PTPN4: variants seen among roughly 807,000 people sequenced by gnomAD.
The protein encoded by PTPN4 is protein tyrosine phosphatase non-receptor type 4, also known as tyrosine-protein phosphatase non-receptor type 4.
A neutral mutation model predicts 135.5 loss-of-function variants in PTPN4; 49 were observed. That is an observed-to-expected ratio of 0.36 (90% CI 0.29 to 0.46). The LOEUF is 0.46. Among genes scored for constraint, PTPN4 ranks in the 20% least tolerant of loss-of-function variants. PTPN4 has a pLI of 1.00. For missense variants in PTPN4, 860 were observed against 1,101.0 expected (o/e 0.78, Z 3.10); for synonymous variants, 333 against 369.9 (o/e 0.90, Z 1.14).
At chr2:119,883,437 C>T (rs1319520942) in intron 8 of PTPN4, among the ~76,000 whole-genome samples, 1 of 152,140 alleles carries the variant, frequency 6.6e-6, no homozygotes, top group Non-Finnish European at 1.5e-5. Context: ...TAACAATATT[C>T]ATTCAACTTT....
chr2:119,835,471 G>A (rs563670242), intron 2 of PTPN4, among the ~76,000 whole-genome samples: 2 of 152,076 alleles, frequency 1.3e-5, no homozygotes, highest in South Asian at 2.1e-4. Flanking sequence ...GTGAGCCACC[G>A]TGCCTGGCCA....
intron 2 of PTPN4, among the ~76,000 whole-genome samples, chr2:119,834,004 CCT>C (rs1335474579): frequency 2.6e-5 from 4 of 152,190 alleles, no homozygotes; most frequent in Middle Eastern, 3.4e-3. Flanking sequence ...TTATTTTTCC[CCT>C]CTCTTTTTTC....
intron 2 of PTPN4, among the ~76,000 whole-genome samples, chr2:119,836,170 A>G (rs962738668): frequency 2.0e-5 from 3 of 152,310 alleles, no homozygotes; most frequent in Non-Finnish European, 4.4e-5. Context: ...GAAGATACGC[A>G]TACATGCATA....
chr2:119,896,192 C>T (rs369094743), intron 9 of PTPN4, among the ~76,000 whole-genome samples: 1 of 152,122 alleles, frequency 6.6e-6, no homozygotes, highest in African/African-American at 2.4e-5. Context: ...CCAATAACAG[C>T]TCCTTCCTAC....
In PTPN4 at chr2:119,844,858, G is replaced by A. The variant is rs568743192; in HGVS notation, c.139-17678G>A. ...TCACTTCCCAGACGGTGTGGCAGCCGGGCAGAGGCTGCAATCTCGGCACTT... is the reference window on the plus strand; with the variant it reads ...TCACTTCCCAGACGGTGTGGCAGCCAGGCAGAGGCTGCAATCTCGGCACTT... On this transcript the variant is annotated intron_variant, in intron 2 of 26. Transcript: ENST00000263708. 1.3e-3 allele frequency among the ~76,000 whole-genome samples: 191 copies of A among 150,680 alleles called. 1 individual carries two copies. The East Asian group carries it at 0.028, about 22-fold the overall frequency.
At chr2:119,795,800 G>A (rs1324574408) in intron 1 of PTPN4, among the ~76,000 whole-genome samples, 2 of 152,230 alleles carry the variant, frequency 1.3e-5, no homozygotes, top group East Asian at 3.9e-4. Flanking sequence ...GCCCAGTTCT[G>A]CCTTGGGGCC....
chr2:119,797,404 A>C (rs902092847), intron 1 of PTPN4, among the ~76,000 whole-genome samples: 1 of 151,646 alleles, frequency 6.6e-6, no homozygotes. Flanking sequence ...AGGTAGATAT[A>C]CTCCCCTATG....
Position 119,809,937 on chromosome 2 carries a change from A to C in PTPN4, c.84A>C (p.Glu28Asp), listed in dbSNP as rs1691549211. The C allele has an allele frequency of 6.2e-7, 1 of 1,613,646 alleles. No individual in the cohort carries two copies. Among genetic ancestry groups the C allele is most frequent in the African/African-American group, 1.3e-5 (1 of 74,902 alleles). The change falls in exon 2 of 27, where the codon GAA (glutamate) becomes GAC (aspartate). Residue 28 changes from glutamate to aspartate, a missense_variant. Physicochemically the swap from Glu to Asp is conservative, Grantham distance 45. Around this residue, in one of 2 missense-constraint regions of PTPN4, gnomAD observed 684 missense variants for 807.0 expected, o/e 0.85. Transcript: ENST00000263708. ...SELARDRQHT[E>D]VVCNILLLDN... The stretch of plus-strand genomic sequence containing the variant: ...TGGCCCGAGACAGACAGCATACTGA[A>C]GTGGTTTGCAACATCCTTCTTCTGG...
intron 15 of PTPN4, among the ~76,000 whole-genome samples, chr2:119,935,464 T>G (rs528353447): frequency 5.6e-4 from 84 of 151,254 alleles, no homozygotes; most frequent in Non-Finnish European, 6.5e-4. Flanking sequence ...GGCCCAAGAG[T>G]GGTAGGTGGA....
At chr2:119,900,911 C>A in intron 10 of PTPN4, 105 bp downstream of exon 10, 2 of 623,008 alleles carry the variant, frequency 3.2e-6, no homozygotes, top group South Asian at 7.7e-5. Flanking sequence ...TGTCATTTTA[C>A]TTGTGAGATA....
rs532666625 is a variant in PTPN4 at position 119,790,559 on chromosome 2, A to T, written c.-17-19278A>T. ...GGGGTATATATTTATATATATTTTT[A>T]TATTGTTTATGTTTTAGAATCTGAA... On this transcript the variant is annotated intron_variant, in intron 1 of 26. Transcript: ENST00000263708. Among the ~76,000 whole-genome samples, 3 of 151,772 alleles carry T rather than the reference A, an allele frequency of 2.0e-5. No homozygotes were observed. In the South Asian group the frequency reaches 6.2e-4, roughly 32 times the overall value.
At position 119,979,781 on chromosome 2, in the gene PTPN4, C is replaced by T. The variant is rs1050534879; in HGVS notation, c.*2711C>T. 1 of 152,110 alleles carries T rather than the reference C, an allele frequency of 6.6e-6. No homozygotes were observed. Among genetic ancestry groups the T allele is most frequent in the Admixed American group, 6.6e-5 (1 of 15,258 alleles). The allele number at this position is 152,110 out of a possible 1,614,324, so 9.4% of individuals were successfully genotyped here. The stretch of plus-strand genomic sequence containing the variant: ...CAGCCACCCCTACCTCCCACCTTGA[C>T]ACCCTTAAGAAAGCAATGCTGACTT... On this transcript the variant is annotated 3_prime_UTR_variant, in exon 27 of 27. Transcript: ENST00000263708.
chr2:119,948,431 C>T (rs1252754122), intron 18 of PTPN4, among the ~76,000 whole-genome samples: 1 of 151,544 alleles, frequency 6.6e-6, no homozygotes, highest in Non-Finnish European at 1.5e-5. Context: ...TTGCTAAAAA[C>T]AAAAATTTAA....
At chr2:119,890,419 A>G (rs1234296326) in intron 9 of PTPN4, among the ~76,000 whole-genome samples, 3 of 152,064 alleles carry the variant, frequency 2.0e-5, no homozygotes, top group Non-Finnish European at 4.4e-5. Context: ...TGAAAAAGTG[A>G]GTGTCTTTTA....
At chr2:119,909,697 G>A (rs1678539859) in intron 10 of PTPN4, among the ~76,000 whole-genome samples, 3 of 152,138 alleles carry the variant, frequency 2.0e-5, no homozygotes, top group Non-Finnish European at 4.4e-5. Context: ...TTTTGGAAAG[G>A]ATTTACCATT....
chr2:119,839,991 A>G (rs926858054), intron 2 of PTPN4, among the ~76,000 whole-genome samples: 1 of 152,256 alleles, frequency 6.6e-6, no homozygotes, highest in Non-Finnish European at 1.5e-5. Context: ...GTAGGTTTCA[A>G]TGGAGACTTC....
At chr2:119,964,322 A>G (rs1309327475) in intron 24 of PTPN4, among the ~76,000 whole-genome samples, 1 of 152,226 alleles carries the variant, frequency 6.6e-6, no homozygotes, top group Non-Finnish European at 1.5e-5. Context: ...TGTAACTGGC[A>G]GAGTCAAGAT....
intron 15 of PTPN4, among the ~76,000 whole-genome samples, chr2:119,940,293 C>T (rs1215999049): frequency 6.6e-6 from 1 of 152,090 alleles, no homozygotes; most frequent in Non-Finnish European, 1.5e-5. Flanking sequence ...AATAAAGTAG[C>T]CAAAGTGTTA....
chr2:119,848,100 A>G lies in PTPN4; in HGVS notation c.139-14436A>G, dbSNP rs570784521. Among the ~76,000 whole-genome samples the G allele has an allele frequency of 3.1e-4, 46 of 150,736 alleles. No homozygotes were observed. In the South Asian group the frequency reaches 9.4e-3, roughly 31 times the overall value. On this transcript the variant is annotated intron_variant, in intron 2 of 26. Transcript: ENST00000263708. ...ACTTACAGTTCATTGAGCTTTTTGCATGAGTAGATTAGTGTTTTTCATCAA... is the reference window on the plus strand; with the variant it reads ...ACTTACAGTTCATTGAGCTTTTTGCGTGAGTAGATTAGTGTTTTTCATCAA...
Sources: gnomAD v4.1 joint callset for allele counts (sites outside exome capture counted in the v4.1 genomes callset) on GRCh38, gnomAD v4.1.1 for gene constraint, gnomAD v4.1.1 regional missense constraint, MANE v1.5 for transcripts, NCBI Gene and HGNC (gene_info 2026-07-23, HGNC 2026-07-21) for gene names.